Variants in NDRG4 observed in about 807,000 individuals in gnomAD.
NDRG4 encodes NDRG family member 4.
A neutral mutation model predicts 55.8 loss-of-function variants in NDRG4; 38 were observed. That is an observed-to-expected ratio of 0.68 (90% CI 0.53 to 0.89). NDRG4 has a LOEUF of 0.89. NDRG4 is among the 40% of genes least tolerant of loss of function. The pLI is 0.00. For synonymous variants in NDRG4, 190 were observed against 182.7 expected (o/e 1.04, Z -0.32); for missense variants, 455 against 468.6 (o/e 0.97, Z 0.27).
At chr16:58,509,888 T>C (rs2038558192) in intron 13 of NDRG4, among the ~76,000 whole-genome samples, 1 of 152,068 alleles carries the variant, frequency 6.6e-6, no homozygotes, top group Non-Finnish European at 1.5e-5. Flanking sequence ...TGAACCTGGC[T>C]TGGCAGATCT....
At chr16:58,478,375 T>TGAGC in intron 1 of NDRG4, among the ~76,000 whole-genome samples, 1 of 136,266 alleles carries the variant, frequency 7.3e-6, no homozygotes, top group South Asian at 2.6e-4. Context: ...GGCGACAATA[T>TGAGC]GAGACTCCAT....
intron 1 of NDRG4, chr16:58,472,170 C>T (rs1567565946): frequency 6.6e-6 from 1 of 152,218 alleles, no homozygotes; most frequent in Non-Finnish European, 1.5e-5. Context: ...AGGAAGTGCA[C>T]TCAGCCTACT....
chr16:58,472,477 C>T (rs2033008820), intron 1 of NDRG4, among the ~76,000 whole-genome samples: 1 of 152,184 alleles, frequency 6.6e-6, no homozygotes, highest in Non-Finnish European at 1.5e-5. Context: ...CCTCTGACCC[C>T]GCACTGGGGC....
intron 2 of NDRG4, among the ~76,000 whole-genome samples, chr16:58,489,842 T>C (rs1249020139): frequency 6.6e-6 from 1 of 152,038 alleles, no homozygotes; most frequent in African/African-American, 2.4e-5. Flanking sequence ...CTTCTTTCTT[T>C]CTTTTTTTTT....
chr16:58,481,799 C>G (rs2034433379), intron 1 of NDRG4, among the ~76,000 whole-genome samples: 1 of 152,102 alleles, frequency 6.6e-6, no homozygotes, highest in African/African-American at 2.4e-5. Flanking sequence ...GATTGAGCCC[C>G]CATCCCTGCC....
chr16:58,504,819 G>T, intron 5 of NDRG4, 170 bp downstream of exon 5: 6 of 652,866 alleles, frequency 9.2e-6, no homozygotes, highest in South Asian at 2.1e-5. Flanking sequence ...TTTCCTCCAG[G>T]GAAATTAACT....
chr16:58,499,865 G>T, upstream of NDRG4: 1 of 388,548 alleles, frequency 2.6e-6, no homozygotes, highest in East Asian at 6.1e-5. Context: ...AGGATCCCGT[G>T]TGAGCTGCAG....
In NDRG4 at chr16:58,506,999, T is replaced by C; in HGVS notation, c.604T>C (p.Trp202Arg). The C allele has an allele frequency of 6.2e-7, 1 of 1,613,636 alleles. No individual in the cohort carries two copies. Among genetic ancestry groups the C allele is most frequent in the Non-Finnish European group, 8.5e-7 (1 of 1,179,828 alleles). ...GAACCAGGCCAACCTGCAGCTCTTC[T>C]GGAACATGTACAACAGGTGCGGGTG... The part of the protein sequence containing the change: ...VVNQANLQLF[W>R]NMYNSRRDLD... The change falls in exon 8 of 15, where the codon TGG becomes CGG. Residue 202 changes from tryptophan to arginine, a missense_variant. By Grantham distance (101) the Trp-to-Arg change is moderately radical. Coordinates refer to ENST00000570248, the MANE Select transcript of NDRG4 (RefSeq NM_001242835.2).
intron 1 of NDRG4, among the ~76,000 whole-genome samples, chr16:58,474,003 G>A (rs1436253063): frequency 4.3e-5 from 6 of 140,680 alleles, no homozygotes; most frequent in Admixed American, 3.5e-4. Context: ...AGCCACCCTG[G>A]TTTTTTCACT....
chr16:58,464,484 C>A lies in NDRG4; in HGVS notation c.-24+687C>A. 7.6e-7 allele frequency: 1 copy of A among 1,311,440 alleles called. No individual in the cohort carries two copies. Among genetic ancestry groups the A allele is most frequent in the South Asian group, 2.2e-5 (1 of 45,446 alleles). The allele number at this position is 1,311,440 out of a possible 1,614,324, so 81.2% of individuals were successfully genotyped here. The stretch of plus-strand genomic sequence containing the variant: ...TGCTCACAGGTACCGCCCGCCTGCC[C>A]CGCAGCCGGCCGCCACTTTCCGAGT... On this transcript the variant is annotated intron_variant, in intron 1 of 15. Coordinates refer to the NDRG4 transcript ENST00000258187. This position sits in a 1 kb window ranked among gnomAD's most constrained non-coding sequence, Gnocchi z 4.8.
rs551166278 is a variant in NDRG4 at position 58,506,573 on chromosome 16, A to G, written c.475A>G (p.Ser159Gly). 3.8e-6 allele frequency: 6 copies of G among 1,589,950 alleles called. No individual in the cohort carries two copies. Among genetic ancestry groups the G allele is most frequent in the Admixed American group, 1.9e-5 (1 of 53,480 alleles). ...WAATKLSGLT[S>G]TLPDTVLSHL... ...CTCCCTGCAGCTCTCCGGCCTAACTAGCACTTTACCCGACACGGTGCTCTC... is the reference window on the plus strand; with the variant it reads ...CTCCCTGCAGCTCTCCGGCCTAACTGGCACTTTACCCGACACGGTGCTCTC... The change falls in exon 7 of 15, where the codon AGC becomes GGC. Residue 159 changes from serine to glycine, a missense_variant. By Grantham distance (56) the Ser-to-Gly change is moderately conservative (BLOSUM62 0). Coordinates refer to ENST00000570248, the MANE Select transcript of NDRG4 (RefSeq NM_001242835.2).
chr16:58,470,076 C>T (rs909323491), intron 1 of NDRG4, among the ~76,000 whole-genome samples: 2 of 152,216 alleles, frequency 1.3e-5, no homozygotes, highest in African/African-American at 2.4e-5. Flanking sequence ...TTAACAGTGG[C>T]TTCTTCTGTT....
At chr16:58,465,633 T>A (rs2031481401) in intron 1 of NDRG4, among the ~76,000 whole-genome samples, 1 of 152,034 alleles carries the variant, frequency 6.6e-6, no homozygotes, top group South Asian at 2.1e-4. Flanking sequence ...GCGCAGTGGC[T>A]CATGCCTGTA....
intron 10 of NDRG4, 93 bp downstream of exon 10, chr16:58,508,092 C>CTGG: frequency 3.2e-6 from 4 of 1,243,192 alleles, no homozygotes; most frequent in Non-Finnish European, 4.4e-6. Flanking sequence ...TGATCCAGCC[C>CTGG]AGGGGAGCCT....
At chr16:58,490,945 CCAGCCTGGGCGA>C (rs944620439) in intron 2 of NDRG4, among the ~76,000 whole-genome samples, 6 of 151,574 alleles carry the variant, frequency 4.0e-5, no homozygotes, top group Admixed American at 3.9e-4. Flanking sequence ...CCACTACACT[CCAGCCTGGGCGA>C]CAGAGCGAGG....
Position 58,510,661 on chromosome 16 carries a change from C to T in NDRG4, c.882C>T (p.Asp294=), listed in dbSNP as rs955390692. The T allele has an allele frequency of 1.3e-6, 2 of 1,536,074 alleles. No homozygotes were observed. Among genetic ancestry groups the T allele is most frequent in the South Asian group, 1.2e-5 (1 of 84,056 alleles). The change falls in exon 14 of 15, where the codon GAC becomes GAT. Residue 294 remains aspartate, a synonymous_variant. Transcript: ENST00000570248. ...CTCTCTTAGTTGCGTACTTGAAGGA[C>T]CGAAGGCTGAGTGGAGGAGCAGGTA... The part of the protein sequence containing the change: ...QGMGYIAYLK[D]RRLSGGAVPS...
intron 1 of NDRG4, chr16:58,465,277 C>A: frequency 2.1e-6 from 1 of 477,834 alleles, no homozygotes; most frequent in Non-Finnish European, 4.0e-6. Flanking sequence ...CTGATCACTG[C>A]CTTCCAGGAC....
chr16:58,507,294 T>G (rs914491096), intron 8 of NDRG4: 1 of 491,378 alleles, frequency 2.0e-6, no homozygotes, highest in African/African-American at 1.9e-5. Context: ...CATCCCTGAC[T>G]CCAGTAACCC....
upstream of NDRG4, chr16:58,500,111 C>T: frequency 6.5e-7 from 1 of 1,529,624 alleles, no homozygotes; most frequent in East Asian, 2.5e-5. Context: ...GCCAGGATCC[C>T]TGTATAAATG....
Sources: allele counts gnomAD v4.1 joint callset (sites outside exome capture counted in the v4.1 genomes callset), GRCh38; gene constraint gnomAD v4.1.1; non-coding constraint Gnocchi (gnomAD v3.1); transcripts MANE v1.5; gene names NCBI Gene and HGNC (gene_info 2026-07-23, HGNC 2026-07-21).